The following TULP4 variants were observed in gnomAD, a reference collection of about 807,000 sequenced individuals.
The protein encoded by TULP4 is TUB like protein 4, also known as tubby-related protein 4.
A neutral mutation model predicts 129.0 loss-of-function variants in TULP4; 16 were observed. That is an observed-to-expected ratio of 0.12 (90% CI 0.08 to 0.19). The LOEUF (loss-of-function observed/expected upper bound fraction) is 0.19, where lower values mean the gene tolerates loss of function less well. Ranked by LOEUF, TULP4 falls within the 10% of genes least tolerant of loss-of-function variation. The probability of loss-of-function intolerance (pLI) is 1.00; values close to 1 mark genes in which losing one functional copy is unlikely to be tolerated. For synonymous variants in TULP4, 998 were observed against 854.0 expected, an observed-to-expected ratio of 1.17 and a Z score of -2.94; for missense variants, 1,842 against 2,059.1, an observed-to-expected ratio of 0.89 and a Z score of 2.04.
At chr6:158,297,054 T>C (rs892715574) in intron 1 of TULP4, among the ~76,000 whole-genome samples, 1 of 152,166 alleles carries the variant, frequency 6.6e-6, no homozygotes. Context: ...CTAGTAAGCC[T>C]GAGGGTACTG....
At chr6:158,285,959 A>T (rs940454532) in intron 1 of TULP4, among the ~76,000 whole-genome samples, 5 of 152,172 alleles carry the variant, frequency 3.3e-5, no homozygotes, top group African/African-American at 1.2e-4. Flanking sequence ...TATATGAAAA[A>T]CATGAAAATG....
intron 5 of TULP4, 133 bp from the exon 6 acceptor site, chr6:158,461,430 A>T (rs1182390679): frequency 1.1e-6 from 1 of 939,776 alleles, no homozygotes; most frequent in Non-Finnish European, 1.5e-6. Context: ...AAAAAAAGGA[A>T]AAAACCATGA....
intron 13 of TULP4, among the ~76,000 whole-genome samples, chr6:158,504,469 C>G (rs935975019): frequency 6.6e-6 from 1 of 151,784 alleles, no homozygotes; most frequent in Non-Finnish European, 1.5e-5. Context: ...GCCTCAGCCT[C>G]CCGAGTAGCT....
At chr6:158,365,150 C>A (rs1053593682) in intron 1 of TULP4, among the ~76,000 whole-genome samples, 1 of 151,970 alleles carries the variant, frequency 6.6e-6, no homozygotes, top group Non-Finnish European at 1.5e-5. Context: ...TGCCTCCCCA[C>A]CACTCCTTCT....
intron 1 of TULP4, among the ~76,000 whole-genome samples, chr6:158,329,250 TCTA>T (rs1779820048): frequency 6.6e-6 from 1 of 152,146 alleles, no homozygotes; most frequent in African/African-American, 2.4e-5. Flanking sequence ...TTAGATTTGG[TCTA>T]CTAAAATACA....
chr6:158,444,059 A>G (rs1001525740), intron 3 of TULP4, among the ~76,000 whole-genome samples: 5 of 151,864 alleles, frequency 3.3e-5, no homozygotes, highest in Admixed American at 1.3e-4. Context: ...CTCTACTAAA[A>G]AATACAAAAA....
intron 1 of TULP4, among the ~76,000 whole-genome samples, chr6:158,259,060 C>A (rs888720899): frequency 3.3e-5 from 5 of 151,990 alleles, no homozygotes; most frequent in African/African-American, 1.2e-4. Context: ...TGAAACCCCA[C>A]CTCTACTGAA....
intron 1 of TULP4, among the ~76,000 whole-genome samples, chr6:158,344,887 C>G (rs1471162952): frequency 6.6e-6 from 1 of 152,116 alleles, no homozygotes; most frequent in Non-Finnish European, 1.5e-5. Flanking sequence ...AACTGTTAGC[C>G]AAGTTGTGAA....
At chr6:158,423,862 G>C (rs676771) in intron 2 of TULP4, among the ~76,000 whole-genome samples, 65,389 of 151,546 alleles carry the variant, frequency 0.43, 14,526 homozygotes, top group South Asian at 0.56. Flanking sequence ...GGATGGTCTC[G>C]ATCTCCTGAC....
intron 1 of TULP4, among the ~76,000 whole-genome samples, chr6:158,340,366 T>C (rs1041629852): frequency 1.3e-5 from 2 of 152,224 alleles, no homozygotes; most frequent in Non-Finnish European, 2.9e-5. Context: ...TATTTTCTTA[T>C]GTTTGTTCCT....
chr6:158,481,262 A>G lies in TULP4; in HGVS notation c.1459A>G (p.Met487Val). 2.5e-6 allele frequency: 4 copies of G among 1,614,086 alleles called. No individual in the cohort carries two copies. The highest frequency in any genetic ancestry group is 3.4e-6 in the Non-Finnish European group (4 of 1,179,950). ...ISKLRPEFVIMDPRTDSKPDE... is the reference protein window; with the variant it reads ...ISKLRPEFVIVDPRTDSKPDE... ...CAAGCTGCGGCCAGAGTTCGTCATC[A>G]TGGACCCGCGGACAGATAGCAAACC... Residue 487 changes from methionine to valine, a missense_variant, in exon 8 of 14, where the codon ATG becomes GTG. Met to Val is a conservative substitution (Grantham distance 21). Coordinates refer to ENST00000367097, the MANE Select transcript of TULP4 (RefSeq NM_020245.5).
rs1165719586 is a variant in TULP4, at chr6:158,353,531, T to C, written c.252+39263T>C. On this transcript the variant is annotated intron_variant, in intron 1 of 13. Transcript: ENST00000367097. ...TATTTATTACGGTACTCTTTGTAAATTGAGGGTGGTGTACCTAGTAAAATT... is the reference window on the plus strand; with the variant it reads ...TATTTATTACGGTACTCTTTGTAAACTGAGGGTGGTGTACCTAGTAAAATT... Among the ~76,000 whole-genome samples the C allele has an allele frequency of 2.0e-5, 3 of 152,178 alleles. No individual in the cohort carries two copies. In the East Asian group the frequency reaches 5.8e-4, roughly 29 times the overall value.
chr6:158,496,852 T>C (rs903283057), intron 11 of TULP4, among the ~76,000 whole-genome samples: 2 of 152,164 alleles, frequency 1.3e-5, no homozygotes, highest in Non-Finnish European at 1.5e-5. Context: ...CTGGCCTTTT[T>C]TGGGGGGTGC....
At chr6:158,481,393 C>A in intron 8 of TULP4, 104 bp downstream of exon 8, 1 of 1,032,000 alleles carries the variant, frequency 9.7e-7, no homozygotes, top group Non-Finnish European at 1.5e-6. Context: ...GAAACGTGAG[C>A]CTGTGGGGGC....
intron 2 of TULP4, among the ~76,000 whole-genome samples, chr6:158,424,095 A>G (rs565204715): frequency 6.6e-6 from 1 of 152,300 alleles, no homozygotes; most frequent in Non-Finnish European, 1.5e-5. Context: ...TATTTACTAT[A>G]TATTTTTAAA....
At chr6:158,360,564 G>A (rs1313757833) in intron 1 of TULP4, among the ~76,000 whole-genome samples, 1 of 152,144 alleles carries the variant, frequency 6.6e-6, no homozygotes, top group Admixed American at 6.5e-5. Flanking sequence ...ATGAAGAATT[G>A]GGTTCCGTTA....
chr6:158,290,058 T>A (rs995682302), intron 1 of TULP4, among the ~76,000 whole-genome samples: 1 of 151,816 alleles, frequency 6.6e-6, no homozygotes, highest in Non-Finnish European at 1.5e-5. Flanking sequence ...CACCTCAGTC[T>A]CTTGTGTAGC....
intron 1 of TULP4, among the ~76,000 whole-genome samples, chr6:158,332,531 G>T (rs1419652890): frequency 6.6e-6 from 1 of 152,090 alleles, no homozygotes; most frequent in Non-Finnish European, 1.5e-5. Flanking sequence ...CAGGGGATGG[G>T]ATGGAGAGGG....
Position 158,434,830 on chromosome 6 carries a change from CA to C in TULP4, c.543+4937del, listed in dbSNP as rs1241723786. 2.0e-5 allele frequency among the ~76,000 whole-genome samples: 3 copies of C among 152,110 alleles called. No individual in the cohort carries two copies. The East Asian group carries it at 5.8e-4, about 29-fold the overall frequency. Reference sequence around the variant, plus strand: ...GTGCCTGAGGCCACTGAGGAAAGGTCAAAAGAAGAGCCCCAAACTTCAATTT... The same window carrying C: ...GTGCCTGAGGCCACTGAGGAAAGGTCAAAGAAGAGCCCCAAACTTCAATTT... On this transcript the variant is annotated intron_variant, in intron 3 of 13. Coordinates refer to ENST00000367097, the MANE Select transcript of TULP4 (RefSeq NM_020245.5).
Sources: gnomAD v4.1 joint callset for allele counts (sites outside exome capture counted in the v4.1 genomes callset) on GRCh38, gnomAD v4.1.1 for gene constraint, MANE v1.5 for transcripts, NCBI Gene and HGNC (gene_info 2026-07-23, HGNC 2026-07-21) for gene names.